The following OPRM1 variants were observed in gnomAD, a reference collection of about 807,000 sequenced individuals.
The protein encoded by OPRM1 is mu-type opioid receptor.
OPRM1 carries 27 observed loss-of-function variants against 31.8 expected under a neutral mutation model. The observed-to-expected ratio is 0.85, with a 90% CI of 0.63 to 1.17. The LOEUF is 1.17. OPRM1 is among the 50% of genes most tolerant of loss of function. OPRM1 has a pLI of 0.00. For synonymous variants in OPRM1, 196 were observed against 189.9 expected, an observed-to-expected ratio of 1.03 and a Z score of -0.26; for missense variants, 536 against 511.1, an observed-to-expected ratio of 1.05 and a Z score of -0.47.
In OPRM1 at chr6:154,039,668, T is replaced by TCCGAC; in HGVS notation, c.127_131dup (p.Cys45ThrfsTer25). The TCCGAC allele has an allele frequency of 6.2e-7, 1 of 1,613,986 alleles. No individual in the cohort carries two copies. Among genetic ancestry groups the TCCGAC allele is most frequent in the Non-Finnish European group, 8.5e-7 (1 of 1,179,890 alleles). On this transcript the variant is annotated frameshift_variant, in exon 1 of 4. Coordinates refer to ENST00000330432, the MANE Select transcript of OPRM1 (RefSeq NM_000914.5). LOFTEE classifies it high-confidence loss of function. ...CTTGTCCCACTTAGATGGCAACCTG[T>TCCGAC]CCGACCCATGCGGTCCGAACCGCAC...
intron 3 of OPRM1, among the ~76,000 whole-genome samples, chr6:154,200,906 C>T (rs781284594): frequency 3.9e-5 from 6 of 152,168 alleles, no homozygotes; most frequent in Non-Finnish European, 5.9e-5. Flanking sequence ...CTATCCAAAT[C>T]TCACCTCGAA....
rs1351249540 is a variant in OPRM1, at chr6:154,120,746, G to A, written c.*2025G>A. Among the ~76,000 whole-genome samples, 4 of 152,164 alleles carry A rather than the reference G, an allele frequency of 2.6e-5. No homozygotes were observed. In the East Asian group the frequency reaches 7.7e-4, roughly 29 times the overall value. The stretch of plus-strand genomic sequence containing the variant: ...TAGTATTGCTTTTGCTCATCAGGCT[G>A]TTTCTCAGCAATCATTGTTTCTGCT... On this transcript the variant is annotated 3_prime_UTR_variant, in exon 4 of 4. Transcript: ENST00000330432.
At chr6:154,111,025 A>T (rs1206760131) in intron 3 of OPRM1, among the ~76,000 whole-genome samples, 5 of 152,166 alleles carry the variant, frequency 3.3e-5, no homozygotes, top group African/African-American at 4.8e-5. Context: ...TGAAAGAAAG[A>T]TGTATTATAT....
intron 3 of OPRM1, among the ~76,000 whole-genome samples, chr6:154,163,552 T>TA (rs1435548413): frequency 6.6e-6 from 1 of 152,218 alleles, no homozygotes; most frequent in Admixed American, 6.5e-5. Flanking sequence ...TACTAAAACA[T>TA]AAGCTTCCGG....
intron 3 of OPRM1, among the ~76,000 whole-genome samples, chr6:154,198,172 C>T (rs1049004240): frequency 2.6e-5 from 4 of 152,070 alleles, no homozygotes; most frequent in African/African-American, 9.7e-5. Flanking sequence ...GAGTTCACAA[C>T]ATCAAAAAAA....
At chr6:154,158,598 G>A (rs1462158733) in intron 3 of OPRM1, 1 of 152,140 alleles carries the variant, frequency 6.6e-6, no homozygotes. Flanking sequence ...GGAAGAAAAT[G>A]AAAAATTATG....
intron 1 of OPRM1, among the ~76,000 whole-genome samples, chr6:154,021,000 C>T (rs555699375): frequency 6.6e-6 from 1 of 152,294 alleles, no homozygotes; most frequent in South Asian, 2.1e-4. Flanking sequence ...CTTCATCAAT[C>T]ATGCCTTTGG....
In OPRM1 at chr6:154,100,100, GATATATATATT is replaced by G. The variant is rs1562472187; in HGVS notation, c.1164+8635_1164+8645del. Among the ~76,000 whole-genome samples the G allele has an allele frequency of 3.5e-3, 205 of 59,256 alleles. 6 individuals carry two copies. The highest frequency in any genetic ancestry group is 4.8e-3 in the Non-Finnish European group (153 of 31,582). 38.9% of individuals were successfully genotyped at this position (59,256 alleles called of 152,430 possible). A position where few individuals can be genotyped will look rare whatever the true frequency, so the allele number is the denominator to read the frequency against. On this transcript the variant is annotated intron_variant, in intron 3 of 3. Coordinates refer to ENST00000330432, the MANE Select transcript of OPRM1 (RefSeq NM_000914.5). ...ATCATATTATATATTATCATATTAT[GATATATATATT>G]ATATATTATCATATTATGACATATA...
chr6:154,042,418 A>G (rs1207785505), intron 1 of OPRM1, among the ~76,000 whole-genome samples: 1 of 152,184 alleles, frequency 6.6e-6, no homozygotes, highest in Non-Finnish European at 1.5e-5. Flanking sequence ...TTCCTTCCCT[A>G]TTTAAAATTC....
chr6:154,041,273 T>C (rs903984642), intron 1 of OPRM1, among the ~76,000 whole-genome samples: 2 of 152,174 alleles, frequency 1.3e-5, no homozygotes, highest in Non-Finnish European at 2.9e-5. Context: ...CACCATCTAT[T>C]GAGAGGAAGG....
At chr6:154,033,683 G>A (rs1246318058) in intron 1 of OPRM1, among the ~76,000 whole-genome samples, 2 of 152,154 alleles carry the variant, frequency 1.3e-5, no homozygotes, top group African/African-American at 4.8e-5. Context: ...GATTTATATG[G>A]CACTGATACA....
intron 3 of OPRM1, among the ~76,000 whole-genome samples, chr6:154,109,337 C>CA (rs1005897600): frequency 3.3e-5 from 5 of 151,572 alleles, no homozygotes; most frequent in African/African-American, 7.3e-5. Flanking sequence ...TACAACCAAA[C>CA]AAAAAAAATA....
intron 2 of OPRM1, 149 bp from the exon 3 acceptor site, chr6:154,090,803 C>A: frequency 4.2e-6 from 3 of 709,846 alleles, no homozygotes; most frequent in Non-Finnish European, 6.8e-6. Flanking sequence ...TGAAAAGTAA[C>A]AAACAACTGA....
chr6:154,019,784 G>A lies in OPRM1; in HGVS notation c.-1+8766G>A, dbSNP rs193107618. Among the ~76,000 whole-genome samples the A allele has an allele frequency of 5.2e-3, 662 of 127,218 alleles. 5 individuals carry two copies. The highest frequency in any genetic ancestry group is 6.2e-3 in the Non-Finnish European group (394 of 63,234). 83.5% of individuals were successfully genotyped at this position (127,218 alleles called of 152,430 possible). On this transcript the variant is annotated intron_variant, in intron 1 of 5. Coordinates refer to the OPRM1 transcript ENST00000434900. The stretch of plus-strand genomic sequence containing the variant: ...TTTTTTTGAGACAGGGTCTCGCTCT[G>A]TTGCCCAGGCACAAACATGGCTCAC...
chr6:154,073,333 G>C (rs1044559756), intron 1 of OPRM1, among the ~76,000 whole-genome samples: 1 of 152,170 alleles, frequency 6.6e-6, no homozygotes, highest in African/African-American at 2.4e-5. Context: ...TTAGGGCAGA[G>C]ATACTAGGCT....
intron 1 of OPRM1, among the ~76,000 whole-genome samples, chr6:154,069,578 G>A (rs1163024070): frequency 6.6e-6 from 1 of 152,158 alleles, no homozygotes; most frequent in Admixed American, 6.6e-5. Flanking sequence ...AATCATTGCA[G>A]AAACCAGTGT....
chr6:154,223,344 A>G (rs1041059456), intron 3 of OPRM1: 3 of 925,184 alleles, frequency 3.2e-6, no homozygotes, highest in Non-Finnish European at 5.1e-6. Context: ...AAATGACATG[A>G]GGGAGAATCA....
At chr6:154,193,124 C>G (rs755843393) in intron 3 of OPRM1, among the ~76,000 whole-genome samples, 1 of 152,250 alleles carries the variant, frequency 6.6e-6, no homozygotes, top group Non-Finnish European at 1.5e-5. Flanking sequence ...GCCCAGATGC[C>G]CATCAGTCAA....
At chr6:154,068,203 G>C (rs1222520233) in intron 1 of OPRM1, among the ~76,000 whole-genome samples, 1 of 152,092 alleles carries the variant, frequency 6.6e-6, no homozygotes, top group Non-Finnish European at 1.5e-5. Flanking sequence ...GTTAAATCTA[G>C]CTAGTTATAA....
Sources: allele counts gnomAD v4.1 joint callset (sites outside exome capture counted in the v4.1 genomes callset), GRCh38; gene constraint gnomAD v4.1.1; transcripts MANE v1.5; gene names NCBI Gene and HGNC (gene_info 2026-07-23, HGNC 2026-07-21).